JMJD1C: variants seen among roughly 807,000 people sequenced by gnomAD.
The protein encoded by JMJD1C is jumonji domain containing 1C, also known as jumonji domain-containing protein 1C.
Under a neutral mutation model 245.3 loss-of-function variants are expected in JMJD1C, and 31 were observed. The ratio of observed to expected loss-of-function variants is 0.13; its 90% CI spans 0.09 to 0.17. The LOEUF (loss-of-function observed/expected upper bound fraction) is 0.17. Ranked by LOEUF, JMJD1C falls within the 10% of genes least tolerant of loss-of-function variation. JMJD1C has a pLI of 1.00. For missense variants in JMJD1C, 2,691 were observed against 3,000.2 expected, an observed-to-expected ratio of 0.90 and a Z score of 2.41; for synonymous variants, 1,057 against 1,017.4, an observed-to-expected ratio of 1.04 and a Z score of -0.74.
chr10:63,330,007 T>G (rs1348693913), intron 2 of JMJD1C, among the ~76,000 whole-genome samples: 1 of 152,232 alleles, frequency 6.6e-6, no homozygotes, highest in East Asian at 1.9e-4. Flanking sequence ...TTCAAGAGAT[T>G]CTCGTGTCTC....
intron 11 of JMJD1C, among the ~76,000 whole-genome samples, chr10:63,200,231 G>C (rs979682418): frequency 1.3e-5 from 2 of 152,058 alleles, no homozygotes; most frequent in African/African-American, 4.8e-5. Flanking sequence ...TTCTCATTAA[G>C]AATAAATCTC....
intron 1 of JMJD1C, among the ~76,000 whole-genome samples, chr10:63,422,455 G>A (rs996150868): frequency 1.3e-5 from 2 of 152,012 alleles, no homozygotes; most frequent in Non-Finnish European, 2.9e-5. Context: ...ATGTTAATAT[G>A]GCAAATAATA....
At chr10:63,463,379 C>A (rs940505845) in intron 1 of JMJD1C, among the ~76,000 whole-genome samples, 1 of 152,096 alleles carries the variant, frequency 6.6e-6, no homozygotes, top group Non-Finnish European at 1.5e-5. Flanking sequence ...GTTGCCCAGG[C>A]TAGTCTCAAA....
chr10:63,472,209 TAATA>T (rs1953512259), intron 1 of JMJD1C, among the ~76,000 whole-genome samples: 1 of 151,660 alleles, frequency 6.6e-6, no homozygotes, highest in African/African-American at 2.4e-5. Context: ...ATATTATATA[TAATA>T]ATTTCTTAAT....
At chr10:63,188,883 G>C (rs1844439713) in intron 18 of JMJD1C, among the ~76,000 whole-genome samples, 1 of 152,156 alleles carries the variant, frequency 6.6e-6, no homozygotes. Context: ...GAAAGGAACT[G>C]CATTTTGTAA....
intron 2 of JMJD1C, among the ~76,000 whole-genome samples, chr10:63,341,029 C>T (rs558706233): frequency 1.3e-4 from 20 of 152,228 alleles, no homozygotes; most frequent in African/African-American, 4.8e-4. Flanking sequence ...CTGTACAAAG[C>T]TAAAAATGAA....
chr10:63,235,224 G>A (rs141958108), intron 3 of JMJD1C, among the ~76,000 whole-genome samples: 3 of 152,206 alleles, frequency 2.0e-5, no homozygotes, highest in South Asian at 2.1e-4. Flanking sequence ...AGCCGGGCAC[G>A]GTGGCTCATG....
At chr10:63,433,916 A>AG (rs1202357667) in intron 1 of JMJD1C, among the ~76,000 whole-genome samples, 2 of 150,716 alleles carry the variant, frequency 1.3e-5, no homozygotes, top group Non-Finnish European at 3.0e-5. Context: ...AAAAAAAAAA[A>AG]GGGAAAATTA....
intron 17 of JMJD1C, among the ~76,000 whole-genome samples, chr10:63,189,701 A>C (rs1298089231): frequency 6.6e-6 from 1 of 152,132 alleles, no homozygotes; most frequent in Non-Finnish European, 1.5e-5. Flanking sequence ...AGAGAATACA[A>C]GTAGGTGGCA....
chr10:63,273,839 C>T (rs1856547144), intron 2 of JMJD1C, among the ~76,000 whole-genome samples: 1 of 152,146 alleles, frequency 6.6e-6, no homozygotes, highest in South Asian at 2.1e-4. Flanking sequence ...AAAAGGAAGG[C>T]AACACTGCCT....
At chr10:63,344,570 A>G (rs1034019953) in intron 2 of JMJD1C, among the ~76,000 whole-genome samples, 4 of 152,218 alleles carry the variant, frequency 2.6e-5, no homozygotes, top group Non-Finnish European at 1.5e-5. Flanking sequence ...AATCTGACCC[A>G]TGAAAGAAAT....
intron 1 of JMJD1C, among the ~76,000 whole-genome samples, chr10:63,463,390 A>T (rs1044918757): frequency 1.3e-5 from 2 of 151,328 alleles, no homozygotes; most frequent in Non-Finnish European, 2.9e-5. Flanking sequence ...TAGTCTCAAA[A>T]CTCCTGCGCT....
chr10:63,483,714 T>G (rs906213601), intron 1 of JMJD1C, among the ~76,000 whole-genome samples: 1 of 152,240 alleles, frequency 6.6e-6, no homozygotes, highest in Non-Finnish European at 1.5e-5. Context: ...CAAATGATAT[T>G]GCTGCTGGCA....
At chr10:63,298,741 CTTTT>C (rs1241976937) in intron 2 of JMJD1C, among the ~76,000 whole-genome samples, 2 of 151,342 alleles carry the variant, frequency 1.3e-5, no homozygotes, top group Non-Finnish European at 3.0e-5. Flanking sequence ...TCATTCTAAT[CTTTT>C]TTTTTAGACG....
At chr10:63,298,937 G>T (rs1859761809) in intron 2 of JMJD1C, among the ~76,000 whole-genome samples, 1 of 152,008 alleles carries the variant, frequency 6.6e-6, no homozygotes, top group East Asian at 1.9e-4. Context: ...CTCCATGTTG[G>T]TCAGGCTGGT....
chr10:63,314,590 T>A (rs551510740), intron 2 of JMJD1C, among the ~76,000 whole-genome samples: 53 of 152,144 alleles, frequency 3.5e-4, no homozygotes, highest in African/African-American at 1.2e-3. Flanking sequence ...ATTAATCATT[T>A]ATGGTAGGCT....
At chr10:63,256,984 G>A (rs1172082831) in intron 3 of JMJD1C, among the ~76,000 whole-genome samples, 3 of 152,006 alleles carry the variant, frequency 2.0e-5, no homozygotes, top group East Asian at 3.9e-4. Context: ...CCTGTAATCC[G>A]AACACGTTGG....
chr10:63,346,950 C>T (rs114274019), intron 2 of JMJD1C, among the ~76,000 whole-genome samples: 2,248 of 152,158 alleles, frequency 0.015, 50 homozygotes, highest in African/African-American at 0.052. Context: ...ACTTAGGTCC[C>T]CCTACACCCC....
chr10:63,340,506 C>T (rs183223586), intron 2 of JMJD1C, among the ~76,000 whole-genome samples: 14 of 152,150 alleles, frequency 9.2e-5, no homozygotes, highest in South Asian at 2.1e-4. Context: ...CTACGGGTAA[C>T]GGTTATTAAA....
Sources: gnomAD v4.1 joint callset for allele counts (sites outside exome capture counted in the v4.1 genomes callset) on GRCh38, gnomAD v4.1.1 for gene constraint, MANE v1.5 for transcripts, NCBI Gene and HGNC (gene_info 2026-07-23, HGNC 2026-07-21) for gene names.